Variants in STIM1 observed in about 807,000 individuals in gnomAD.
STIM1 encodes stromal interaction molecule 1.
Under a neutral mutation model 74.7 loss-of-function variants are expected in STIM1, and 25 were observed. That is an observed-to-expected ratio of 0.33 (90% CI 0.24 to 0.47). The LOEUF is 0.47. Ranked by LOEUF, STIM1 falls within the 20% of genes least tolerant of loss-of-function variation. STIM1 has a pLI of 1.00. For missense variants in STIM1, 728 were observed against 920.8 expected, an observed-to-expected ratio of 0.79 and a Z score of 2.71; for synonymous variants, 328 against 348.8, an observed-to-expected ratio of 0.94 and a Z score of 0.66.
At chr11:3,877,907 T>C (rs2091358669) in intron 1 of STIM1, among the ~76,000 whole-genome samples, 1 of 152,252 alleles carries the variant, frequency 6.6e-6, no homozygotes, top group Non-Finnish European at 1.5e-5. Flanking sequence ...TGATGCTTTC[T>C]CTTCTAGTTA....
At chr11:3,861,437 T>C (rs1358227304) in intron 1 of STIM1, among the ~76,000 whole-genome samples, 2 of 152,056 alleles carry the variant, frequency 1.3e-5, no homozygotes, top group African/African-American at 4.8e-5. Flanking sequence ...GGTTTCACCT[T>C]GTTAGCCAGG....
At chr11:4,059,551 AT>A in intron 5 of STIM1, 155 bp downstream of exon 5, 1 of 652,514 alleles carries the variant, frequency 1.5e-6, no homozygotes, top group Non-Finnish European at 2.7e-6. Context: ...AGAGTCTTAC[AT>A]TTTAGTCCAG....
chr11:3,962,735 C>A (rs1435780985), intron 1 of STIM1, among the ~76,000 whole-genome samples: 1 of 152,128 alleles, frequency 6.6e-6, no homozygotes, highest in Non-Finnish European at 1.5e-5. Flanking sequence ...GCATCCTCAC[C>A]AACATCTGTT....
At chr11:3,918,588 CT>C (rs2092680586) in intron 1 of STIM1, among the ~76,000 whole-genome samples, 1 of 152,004 alleles carries the variant, frequency 6.6e-6, no homozygotes, top group South Asian at 2.1e-4. Flanking sequence ...TAATACCTCT[CT>C]TTCCTGATGG....
At chr11:4,013,766 A>C (rs2093866333) in intron 2 of STIM1, among the ~76,000 whole-genome samples, 1 of 125,706 alleles carries the variant, frequency 8.0e-6, no homozygotes. Context: ...GTGCAGTGGC[A>C]TGATCTTGGC....
intron 6 of STIM1, among the ~76,000 whole-genome samples, chr11:4,073,160 C>A (rs999351977): frequency 2.8e-5 from 4 of 140,604 alleles, no homozygotes; most frequent in Non-Finnish European, 4.6e-5. Context: ...TCTATCCTTT[C>A]TTTTCTATAC....
chr11:4,059,301 C>T lies in STIM1; in HGVS notation c.518C>T (p.Thr173Ile). ...AACAGGCTGGCTGTCACCAACACCA[C>T]CATGACAGGGACTGTGCTGAAGATG... ...AMPRLAVTNTTMTGTVLKMTD... is the reference protein window; with the variant it reads ...AMPRLAVTNTIMTGTVLKMTD... Residue 173 changes from threonine to isoleucine, a missense_variant, in exon 5 of 13, where the codon ACC becomes ATC. Around this residue, in one of 5 missense-constraint regions of STIM1, gnomAD observed 132 missense variants for 158.2 expected, o/e 0.83. Transcript: ENST00000526596. 6.2e-7 allele frequency: 1 copy of T among 1,614,106 alleles called. No individual in the cohort carries two copies. The highest frequency in any genetic ancestry group is 8.5e-7 in the Non-Finnish European group (1 of 1,179,968).
At chr11:3,932,208 G>A (rs2092872625) in intron 1 of STIM1, among the ~76,000 whole-genome samples, 1 of 152,194 alleles carries the variant, frequency 6.6e-6, no homozygotes. Flanking sequence ...ATAAAACCCT[G>A]TGTCTTGTTT....
intron 2 of STIM1, among the ~76,000 whole-genome samples, chr11:3,991,677 G>T (rs940168270): frequency 6.6e-6 from 1 of 151,066 alleles, no homozygotes; most frequent in Non-Finnish European, 1.5e-5. Context: ...GGCCGGGCGC[G>T]GTGGCTCACG....
chr11:4,059,246 G>T (rs778698617), intron 4 of STIM1, 35 bp from the exon 5 acceptor site: 24 of 1,574,478 alleles, frequency 1.5e-5, no homozygotes, highest in Non-Finnish European at 1.9e-5. Context: ...GGCTTTACTG[G>T]GAGGGAACTG....
chr11:3,979,917 T>G (rs113702801), intron 2 of STIM1, among the ~76,000 whole-genome samples: 1 of 152,204 alleles, frequency 6.6e-6, no homozygotes, highest in Admixed American at 6.5e-5. Context: ...TGTATCAATC[T>G]TAGTTGTCCT....
At chr11:3,963,205 A>G (rs1040401681) in intron 1 of STIM1, among the ~76,000 whole-genome samples, 8 of 152,156 alleles carry the variant, frequency 5.3e-5, no homozygotes, top group African/African-American at 1.9e-4. Context: ...CCTAGTACCC[A>G]TTAGTTATTT....
At chr11:3,998,269 G>A (rs369418676) in intron 2 of STIM1, among the ~76,000 whole-genome samples, 1 of 152,190 alleles carries the variant, frequency 6.6e-6, no homozygotes, top group East Asian at 1.9e-4. Flanking sequence ...GGTGGAACGA[G>A]GATTCAAACC....
At chr11:3,991,956 AAAAAAAAAAAAAAAAAG>A (rs1258590649) in intron 2 of STIM1, among the ~76,000 whole-genome samples, 1 of 115,390 alleles carries the variant, frequency 8.7e-6, no homozygotes, top group East Asian at 2.4e-4. Context: ...ATCTCAAAAA[AAAAAAAAAAAAAAAAAG>A]AAAAAAAAAA....
intron 2 of STIM1, among the ~76,000 whole-genome samples, chr11:3,988,244 C>T (rs1483561343): frequency 6.6e-6 from 1 of 152,156 alleles, no homozygotes; most frequent in African/African-American, 2.4e-5. Context: ...GAGATTTCCT[C>T]AGCACCTGAA....
rs560790670 is a variant in STIM1, at chr11:3,939,763, GGAA to G, written c.140-27786_140-27784del. 9.9e-5 allele frequency among the ~76,000 whole-genome samples: 15 copies of G among 152,250 alleles called. No homozygotes were observed. In the East Asian group the frequency reaches 2.9e-3, roughly 29 times the overall value. On this transcript the variant is annotated intron_variant, in intron 1 of 12. Coordinates refer to ENST00000526596, the MANE Select transcript of STIM1 (RefSeq NM_001382567.1). ...AATCAGAACATAGAACTAGGAACAA[GGAA>G]GATTCTTTGTTTCCTTGGCCAGTAT...
chr11:4,022,625 G>A (rs895812039), intron 2 of STIM1, among the ~76,000 whole-genome samples: 23 of 152,110 alleles, frequency 1.5e-4, no homozygotes, highest in Non-Finnish European at 3.2e-4. Flanking sequence ...GGCCTTTATT[G>A]TGTTGAGGTA....
chr11:3,963,373 A>T (rs1323835420), intron 1 of STIM1, among the ~76,000 whole-genome samples: 2 of 152,216 alleles, frequency 1.3e-5, no homozygotes, highest in African/African-American at 2.4e-5. Context: ...TTTGCTAAGG[A>T]TAATGACCTC....
intron 7 of STIM1, among the ~76,000 whole-genome samples, chr11:4,079,783 T>G (rs1013014183): frequency 6.6e-6 from 1 of 152,212 alleles, no homozygotes; most frequent in Non-Finnish European, 1.5e-5. Context: ...TGATAACACT[T>G]TATTTAAAAC....
Sources: gnomAD v4.1 joint callset for allele counts (sites outside exome capture counted in the v4.1 genomes callset) on GRCh38, gnomAD v4.1.1 for gene constraint, gnomAD v4.1.1 regional missense constraint, MANE v1.5 for transcripts, NCBI Gene and HGNC (gene_info 2026-07-23, HGNC 2026-07-21) for gene names.